SLC30A6: variants seen among roughly 807,000 people sequenced by gnomAD.
The protein encoded by SLC30A6 is zinc transporter 6.
Under a neutral mutation model 63.0 loss-of-function variants are expected in SLC30A6, and 55 were observed. The ratio of observed to expected loss-of-function variants is 0.87; its 90% CI spans 0.70 to 1.09. The LOEUF (loss-of-function observed/expected upper bound fraction) is 1.09, where lower values mean the gene tolerates loss of function less well. Among genes scored for constraint, SLC30A6 ranks in the 50% least tolerant of loss-of-function variants. SLC30A6 has a pLI of 0.00. For synonymous variants in SLC30A6, 224 were observed against 186.1 expected, an observed-to-expected ratio of 1.20 and a Z score of -1.66; for missense variants, 587 against 549.2, an observed-to-expected ratio of 1.07 and a Z score of -0.69.
rs556550154 is a variant in SLC30A6 at position 32,203,471 on chromosome 2, G to A, written c.666-1119G>A. On this transcript the variant is annotated intron_variant, in intron 10 of 13. Coordinates refer to ENST00000282587, the MANE Select transcript of SLC30A6 (RefSeq NM_017964.5). ...TCAGATACTGACAGAAGAGAAAGGG[G>A]CAGTGGATGCATTGGCTGCAGCTTT... The A allele has an allele frequency of 2.2e-4, 350 of 1,588,960 alleles. 3 individuals are homozygous for A. The Admixed American group carries it at 5.8e-3, about 26-fold the overall frequency.
chr2:32,210,515 C>CAAAA (rs3040860), intron 13 of SLC30A6, among the ~76,000 whole-genome samples: 192 of 89,146 alleles, frequency 2.2e-3, no homozygotes, highest in South Asian at 3.6e-3. Context: ...ACTCTGTCTC[C>CAAAA]AAAAAAAAAA....
intron 12 of SLC30A6, among the ~76,000 whole-genome samples, chr2:32,208,162 G>A (rs1290739282): frequency 6.7e-6 from 1 of 149,882 alleles, no homozygotes; most frequent in African/African-American, 2.5e-5. Context: ...ACTGAGTCTT[G>A]CTCTATCACC....
intron 13 of SLC30A6, among the ~76,000 whole-genome samples, chr2:32,216,578 TA>T (rs112425145): frequency 1.0e-4 from 14 of 136,920 alleles, no homozygotes; most frequent in African/African-American, 3.1e-4. Context: ...AATAAATAAA[TA>T]AATAATAATA....
chr2:32,204,214 CT>C (rs1334519508), intron 10 of SLC30A6, among the ~76,000 whole-genome samples: 1 of 151,758 alleles, frequency 6.6e-6, no homozygotes. Flanking sequence ...TTTATTGTCT[CT>C]TTTTAAAAAA....
In SLC30A6 at chr2:32,221,534, A is replaced by C. The variant is rs1433254232; in HGVS notation, c.*821A>C. 6.6e-6 allele frequency: 1 copy of C among 152,200 alleles called. No homozygotes were observed. The highest frequency in any genetic ancestry group is 6.5e-5 in the Admixed American group (1 of 15,268). The allele number at this position is 152,200 out of a possible 1,614,324, so 9.4% of individuals were successfully genotyped here. The stretch of plus-strand genomic sequence containing the variant: ...TTGGGAAAGGGAAAAATGTCTGTTC[A>C]AAAAGTAAAAGTCTCTTTTATAGCT... On this transcript the variant is annotated 3_prime_UTR_variant, in exon 14 of 14. Transcript: ENST00000282587.
At position 32,220,427 on chromosome 2, in the gene SLC30A6, C is replaced by G. The variant is rs149327471; in HGVS notation, c.1100C>G (p.Thr367Ser). ...ATCCCAATGCCTCTTTTAAAGGGTA[C>G]TGATGATTTGAACCCAGTTACATCA... ...HVIPMPLLKG[T>S]DDLNPVTSTP... Residue 367 changes from threonine to serine, a missense_variant, in exon 14 of 14, where the codon ACT becomes AGT. Coordinates refer to ENST00000282587, the MANE Select transcript of SLC30A6 (RefSeq NM_017964.5). The G allele has an allele frequency of 2.5e-5, 40 of 1,614,082 alleles. No individual in the cohort carries two copies. The highest frequency in any genetic ancestry group is 3.3e-5 in the Non-Finnish European group (39 of 1,180,034).
intron 5 of SLC30A6, among the ~76,000 whole-genome samples, chr2:32,185,186 T>A (rs906265888): frequency 4.6e-5 from 7 of 152,104 alleles, no homozygotes; most frequent in African/African-American, 1.4e-4. Flanking sequence ...CATAGTGAGA[T>A]CTGTCGCTGC....
In SLC30A6 at chr2:32,224,206, G is replaced by T. The variant is rs1260104150; in HGVS notation, c.*3493G>T. 2 of 313,066 alleles carry T rather than the reference G, an allele frequency of 6.4e-6. No homozygotes were observed. Among genetic ancestry groups the T allele is most frequent in the South Asian group, 1.1e-4 (1 of 9,036 alleles). 19.4% of individuals were successfully genotyped at this position (313,066 alleles called of 1,614,324 possible). Reference sequence around the variant, plus strand: ...TTGTTGAGAATCTCTTACATGCCAGGCACTATACTAAGTTAATATGCATTC... The same window carrying T: ...TTGTTGAGAATCTCTTACATGCCAGTCACTATACTAAGTTAATATGCATTC... On this transcript the variant is annotated 3_prime_UTR_variant, in exon 14 of 14. Coordinates refer to ENST00000282587, the MANE Select transcript of SLC30A6 (RefSeq NM_017964.5).
At chr2:32,186,347 A>C (rs1573302781) in intron 5 of SLC30A6, among the ~76,000 whole-genome samples, 1 of 152,342 alleles carries the variant, frequency 6.6e-6, no homozygotes. Context: ...TAAGGTATAG[A>C]TATATCCATA....
At chr2:32,209,010 G>A (rs1201049230) in intron 12 of SLC30A6, among the ~76,000 whole-genome samples, 1 of 152,144 alleles carries the variant, frequency 6.6e-6, no homozygotes, top group Admixed American at 6.5e-5. Context: ...AACTGTACCA[G>A]TGGGCTACAC....
intron 13 of SLC30A6, chr2:32,214,432 TA>T (rs1685527237): frequency 6.6e-6 from 1 of 152,208 alleles, no homozygotes; most frequent in Non-Finnish European, 1.5e-5. Context: ...TTCTTTCCTT[TA>T]TTTTTTTAAT....
chr2:32,177,527 A>T, intron 4 of SLC30A6: 1 of 219,740 alleles, frequency 4.6e-6, no homozygotes, highest in South Asian at 4.1e-5. Context: ...CCTGACCTCA[A>T]GTGGTCCACC....
intron 12 of SLC30A6, among the ~76,000 whole-genome samples, chr2:32,208,480 A>T (rs529648534): frequency 6.6e-6 from 1 of 151,454 alleles, no homozygotes; most frequent in Admixed American, 6.6e-5. Context: ...GGGTCTTGCT[A>T]TGTTGACCAG....
intron 12 of SLC30A6, among the ~76,000 whole-genome samples, chr2:32,208,976 T>C (rs1685024372): frequency 6.6e-6 from 1 of 152,226 alleles, no homozygotes; most frequent in Non-Finnish European, 1.5e-5. Context: ...TAGTGAAGCC[T>C]GGCCTTGAGT....
At chr2:32,177,521 A>T in intron 4 of SLC30A6, 1 of 225,526 alleles carries the variant, frequency 4.4e-6, no homozygotes, top group South Asian at 3.9e-5. Flanking sequence ...CAAACTCCTG[A>T]CCTCAAGTGG....
intron 2 of SLC30A6, among the ~76,000 whole-genome samples, chr2:32,173,195 A>T (rs1295801381): frequency 6.6e-6 from 1 of 152,178 alleles, no homozygotes; most frequent in African/African-American, 2.4e-5. Flanking sequence ...AATTATCAGT[A>T]CATTGTGTTC....
intron 12 of SLC30A6, 80 bp from the exon 13 acceptor site, chr2:32,209,413 A>G: frequency 8.9e-7 from 1 of 1,129,472 alleles, no homozygotes; most frequent in Non-Finnish European, 1.3e-6. Context: ...TTAAGTTTAA[A>G]CTAAGTCCAT....
At position 32,169,678 on chromosome 2, in the gene SLC30A6, C is replaced by T. The variant is rs139405008; in HGVS notation, c.4-1609C>T. Among the ~76,000 whole-genome samples the T allele has an allele frequency of 5.6e-3, 845 of 152,250 alleles. 9 individuals carry two copies. The highest frequency in any genetic ancestry group is 0.031 in the Admixed American group (475 of 15,292). On this transcript the variant is annotated intron_variant, in intron 1 of 13. Transcript: ENST00000282587. ...CCTGTAGTCCCAGCTACTCCTTCAC[C>T]GCAGAATGGGGCTGCGACAGAGTGA...
At chr2:32,219,081 G>C (rs762398236) in intron 13 of SLC30A6, among the ~76,000 whole-genome samples, 2 of 151,872 alleles carry the variant, frequency 1.3e-5, no homozygotes, top group Admixed American at 6.6e-5. Flanking sequence ...TTCCCATGCT[G>C]GGAGTGCGAT....
Sources: allele counts gnomAD v4.1 joint callset (sites outside exome capture counted in the v4.1 genomes callset), GRCh38; gene constraint gnomAD v4.1.1; transcripts MANE v1.5; gene names NCBI Gene and HGNC (gene_info 2026-07-23, HGNC 2026-07-21).